The following KLF8 variants were observed in gnomAD, a reference collection of about 807,000 sequenced individuals.
KLF8 encodes KLF transcription factor 8.
A neutral mutation model predicts 18.2 loss-of-function variants in KLF8; 10 were observed. The observed-to-expected ratio is 0.55, with a 90% CI of 0.34 to 0.93. The LOEUF is 0.93. KLF8 is among the 40% of genes least tolerant of loss of function. The pLI, the probability that KLF8 is intolerant of heterozygous loss-of-function variation, is 0.02. For synonymous variants in KLF8, 109 were observed against 97.3 expected (o/e 1.12, Z -0.71); for missense variants, 264 against 277.9 (o/e 0.95, Z 0.36).
At chrX:56,113,925 T>G in the KLF8 span, among the ~76,000 whole-genome samples, 3 of 111,332 alleles carry the variant, frequency 2.7e-5, no homozygotes, top group East Asian at 8.5e-4. Flanking sequence ...GGAATCCCAC[T>G]CTTCTGGATT....
chrX:56,187,395 A>T, the KLF8 span, among the ~76,000 whole-genome samples: 2 of 111,801 alleles, frequency 1.8e-5, no homozygotes, highest in Non-Finnish European at 3.8e-5. Flanking sequence ...CTTACCAACC[A>T]AAAAGAGTCC....
At chrX:56,214,602 G>A in the KLF8 span, among the ~76,000 whole-genome samples, 3 of 112,435 alleles carry the variant, frequency 2.7e-5, no homozygotes, top group Non-Finnish European at 5.6e-5. Flanking sequence ...TTTGGACACA[G>A]ATACATGCTT....
At chrX:55,951,698 G>T in the KLF8 span, among the ~76,000 whole-genome samples, 8 of 109,592 alleles carry the variant, frequency 7.3e-5, no homozygotes, top group African/African-American at 2.7e-4. Context: ...TTTGGAGGGG[G>T]TGAGGACTGC....
chrX:55,989,185 A>C, the KLF8 span, among the ~76,000 whole-genome samples: 3 of 111,632 alleles, frequency 2.7e-5, no homozygotes, highest in African/African-American at 9.8e-5. Flanking sequence ...CTAATTGAGT[A>C]CCCTTTATTT....
chrX:55,998,340 G>A, the KLF8 span, among the ~76,000 whole-genome samples: 2 of 111,421 alleles, frequency 1.8e-5, no homozygotes, highest in African/African-American at 3.3e-5. Context: ...GCTGGGGGAC[G>A]GTCAGGTCTT....
chrX:55,972,850 A>T, the KLF8 span, among the ~76,000 whole-genome samples: 1 of 112,176 alleles, frequency 8.9e-6, no homozygotes, highest in Admixed American at 9.4e-5. Context: ...CTTTTCACAG[A>T]ATTTGGAAAA....
At chrX:56,050,829 C>A in the KLF8 span, among the ~76,000 whole-genome samples, 1 of 109,944 alleles carries the variant, frequency 9.1e-6, no homozygotes, top group Non-Finnish European at 1.9e-5. Context: ...TCCTTGTTGA[C>A]TTTCTGTCTC....
the KLF8 span, among the ~76,000 whole-genome samples, chrX:56,073,620 G>A: frequency 9.0e-6 from 1 of 111,367 alleles, no homozygotes; most frequent in East Asian, 2.8e-4. Flanking sequence ...ATATAGACAA[G>A]GGCTCCAATT....
the KLF8 span, among the ~76,000 whole-genome samples, chrX:56,103,801 G>A: frequency 9.0e-6 from 1 of 111,313 alleles, no homozygotes; most frequent in South Asian, 3.8e-4. Context: ...GTTTTCAAAG[G>A]GAATGCTTCC....
At chrX:55,951,826 G>T in the KLF8 span, among the ~76,000 whole-genome samples, 2 of 111,043 alleles carry the variant, frequency 1.8e-5, no homozygotes, top group African/African-American at 3.3e-5. Flanking sequence ...GTGATAACTG[G>T]GTCCCAATCC....
At chrX:56,092,409 T>A in the KLF8 span, among the ~76,000 whole-genome samples, 1 of 111,755 alleles carries the variant, frequency 8.9e-6, no homozygotes, top group African/African-American at 3.3e-5. Flanking sequence ...TCTTTATGTT[T>A]TCTCCTAATA....
chrX:56,059,869 A>C, the KLF8 span, among the ~76,000 whole-genome samples: 7 of 111,525 alleles, frequency 6.3e-5, no homozygotes, highest in Admixed American at 4.8e-4. Context: ...ATTTAAAGTA[A>C]TTTTTTCTAA....
the KLF8 span, among the ~76,000 whole-genome samples, chrX:56,172,909 G>C: frequency 1.8e-5 from 2 of 112,038 alleles, no homozygotes; most frequent in African/African-American, 3.2e-5. Context: ...GTCTTCTTTT[G>C]AGAAGTGTCT....
At chrX:56,076,242 A>G in the KLF8 span, among the ~76,000 whole-genome samples, 33 of 102,710 alleles carry the variant, frequency 3.2e-4, no homozygotes, top group Non-Finnish European at 5.9e-4. Flanking sequence ...TGCACCCACT[A>G]ACTCGTCATC....
At chrX:56,025,716 T>C in the KLF8 span, among the ~76,000 whole-genome samples, 11 of 111,728 alleles carry the variant, frequency 9.8e-5, no homozygotes, top group Non-Finnish European at 1.9e-4. Flanking sequence ...TCCTTAGTCT[T>C]ATTTCAAATA....
the KLF8 span, among the ~76,000 whole-genome samples, chrX:55,956,165 CT>C: frequency 0.016 from 1,536 of 95,581 alleles, 16 homozygotes; most frequent in African/African-American, 0.029. Flanking sequence ...ATCTATCTAT[CT>C]ATCATCTATC....
At chrX:56,191,749 T>TA in the KLF8 span, among the ~76,000 whole-genome samples, 1 of 111,378 alleles carries the variant, frequency 9.0e-6, no homozygotes, top group South Asian at 3.7e-4. Context: ...CAATTGATGC[T>TA]AAAAATGCAT....
the KLF8 span, among the ~76,000 whole-genome samples, chrX:56,093,076 C>G: frequency 1.9e-5 from 2 of 107,103 alleles, no homozygotes; most frequent in South Asian, 8.0e-4. Context: ...AAGTGTGACA[C>G]GCATGTAATA....
At chrX:56,256,609 T>C (rs12847582) in intron 2 of KLF8, among the ~76,000 whole-genome samples, 22 of 112,134 alleles carry the variant, frequency 2.0e-4, no homozygotes, top group Non-Finnish European at 3.8e-5. Context: ...TGATATGTTG[T>C]TTTCCATTAT....
Sources: allele counts gnomAD v4.1 joint callset (sites outside exome capture counted in the v4.1 genomes callset), GRCh38; gene constraint gnomAD v4.1.1; transcripts MANE v1.5; gene names NCBI Gene and HGNC (gene_info 2026-07-23, HGNC 2026-07-21).